Variants in CSPP1 observed in about 807,000 individuals in gnomAD.
CSPP1 encodes the protein centrosome and spindle pole associated protein 1.
Under a neutral mutation model 164.4 loss-of-function variants are expected in CSPP1, and 126 were observed. The observed-to-expected ratio is 0.77, with a 90% confidence interval of 0.66 to 0.89. The LOEUF is 0.89. Ranked by LOEUF, CSPP1 falls within the 40% of genes least tolerant of loss-of-function variation. The pLI is 0.00. For synonymous variants in CSPP1, 472 were observed against 476.7 expected (o/e 0.99, Z 0.13); for missense variants, 1,395 against 1,449.8 (o/e 0.96, Z 0.61).
At chr8:67,171,933 C>T (rs981544081) in intron 24 of CSPP1, among the ~76,000 whole-genome samples, 1 of 151,810 alleles carries the variant, frequency 6.6e-6, no homozygotes, top group African/African-American at 2.4e-5. Context: ...CTGCAACCTC[C>T]ACCTCTTGGG....
intron 17 of CSPP1, among the ~76,000 whole-genome samples, chr8:67,138,369 A>G (rs1822789384): frequency 6.6e-6 from 1 of 152,230 alleles, no homozygotes; most frequent in Non-Finnish European, 1.5e-5. Flanking sequence ...TACTTGTAAT[A>G]CCTAATACAG....
intron 3 of CSPP1, among the ~76,000 whole-genome samples, chr8:67,081,836 C>T (rs1171759639): frequency 6.6e-6 from 1 of 152,150 alleles, no homozygotes; most frequent in Non-Finnish European, 1.5e-5. Context: ...CTTAAAACTC[C>T]TGGGCTCTGG....
intron 14 of CSPP1, 53 bp from the exon 15 acceptor site, chr8:67,118,690 A>T (rs1818400894): frequency 2.5e-6 from 3 of 1,218,894 alleles, no homozygotes. Flanking sequence ...GTAAAATATT[A>T]TTAAATGATT....
At chr8:67,146,371 C>T (rs1824562073) in intron 17 of CSPP1, among the ~76,000 whole-genome samples, 1 of 152,060 alleles carries the variant, frequency 6.6e-6, no homozygotes, top group African/African-American at 2.4e-5. Context: ...GATCCTCCCA[C>T]CTCAGCCTCC....
At chr8:67,086,460 A>C (rs575058127) in intron 4 of CSPP1, among the ~76,000 whole-genome samples, 1 of 152,240 alleles carries the variant, frequency 6.6e-6, no homozygotes, top group South Asian at 2.1e-4. Flanking sequence ...CTATGTATTA[A>C]AATGACATAT....
Position 67,117,888 on chromosome 8 carries a change from TATTA to T in CSPP1, c.1497-355_1497-352del, listed in dbSNP as rs1344648326. 2.0e-5 allele frequency among the ~76,000 whole-genome samples: 3 copies of T among 152,212 alleles called. No individual in the cohort carries two copies. In the East Asian group the frequency reaches 5.8e-4, roughly 29 times the overall value. ...ATTTAGTTTAATTTGCTTGTACTAT[TATTA>T]ATTATTTAATTTGCTTGTACTTGAC... On this transcript the variant is annotated intron_variant, in intron 13 of 30. Transcript: ENST00000678616.
chr8:67,080,066 AC>A (rs1431570745), intron 3 of CSPP1, among the ~76,000 whole-genome samples: 2 of 152,134 alleles, frequency 1.3e-5, no homozygotes. Context: ...TTAGTTACTG[AC>A]CTCCTGCCTG....
chr8:67,125,654 G>A (rs1471856497), intron 15 of CSPP1, among the ~76,000 whole-genome samples: 1 of 151,836 alleles, frequency 6.6e-6, no homozygotes, highest in Non-Finnish European at 1.5e-5. Context: ...TTCTAGACTG[G>A]GTAATCTCAA....
intron 15 of CSPP1, among the ~76,000 whole-genome samples, chr8:67,126,933 G>A (rs1820195159): frequency 6.6e-6 from 1 of 151,972 alleles, no homozygotes; most frequent in South Asian, 2.1e-4. Context: ...TTTCCTGGGA[G>A]CTGCCAGACA....
chr8:67,110,190 G>A (rs73693114), intron 9 of CSPP1, among the ~76,000 whole-genome samples: 12,464 of 150,860 alleles, frequency 0.083, 1,044 homozygotes, highest in African/African-American at 0.22. Flanking sequence ...TCCCCAGGTT[G>A]TTTTATTTTT....
At chr8:67,175,755 A>T (rs1444734229) in intron 26 of CSPP1, among the ~76,000 whole-genome samples, 1 of 152,230 alleles carries the variant, frequency 6.6e-6, no homozygotes, top group Non-Finnish European at 1.5e-5. Context: ...AGGCAGACAT[A>T]TCAGTGCCCT....
chr8:67,183,968 T>TCAGTCTCC (rs1246313662), intron 28 of CSPP1, among the ~76,000 whole-genome samples: 2 of 149,294 alleles, frequency 1.3e-5, no homozygotes, highest in Non-Finnish European at 3.0e-5. Flanking sequence ...TTCTCCTGAC[T>TCAGTCTCC]CAGTCTCCCA....
Position 67,131,133 on chromosome 8 carries a change from G to A in CSPP1, c.1698-818G>A, listed in dbSNP as rs548023427. 4.6e-5 allele frequency among the ~76,000 whole-genome samples: 7 copies of A among 152,228 alleles called. No homozygotes were observed. The South Asian group carries it at 1.0e-3, about 23-fold the overall frequency. On this transcript the variant is annotated intron_variant, in intron 15 of 30. Transcript: ENST00000678616. ...ATGTTGGCTGGGTGCAGTGACTCAC[G>A]CCTGTAATCCCAGCACTTTGGGAGG...
chr8:67,130,795 C>G (rs772739546), intron 15 of CSPP1, among the ~76,000 whole-genome samples: 1 of 151,846 alleles, frequency 6.6e-6, no homozygotes, highest in Non-Finnish European at 1.5e-5. Flanking sequence ...AGAGACCAGC[C>G]TGGCCAACAT....
chr8:67,168,929 C>T (rs1384152382), intron 24 of CSPP1, among the ~76,000 whole-genome samples: 4 of 152,188 alleles, frequency 2.6e-5, no homozygotes, highest in Admixed American at 2.6e-4. Context: ...TATAGTAAAT[C>T]TCCATAGAGT....
In CSPP1 at chr8:67,149,961, T is replaced by C. The variant is rs1177127361; in HGVS notation, c.2128+26T>C. 14 of 1,523,700 alleles carry C rather than the reference T, an allele frequency of 9.2e-6. No homozygotes were observed. In the East Asian group the frequency reaches 3.0e-4, roughly 33 times the overall value. The allele number at this position is 1,523,700 out of a possible 1,614,324, so 94.4% of individuals were successfully genotyped here. On this transcript the variant is annotated intron_variant, in intron 18 of 30. Coordinates refer to ENST00000678616, the MANE Select transcript of CSPP1 (RefSeq NM_001382391.1). ...GTTTTTAATCACTTTTTTTTTTTTT[T>C]TTTTTTTTTTACATTTCTGAAATTG...
intron 3 of CSPP1, among the ~76,000 whole-genome samples, chr8:67,079,744 A>G (rs1175750873): frequency 6.6e-6 from 1 of 152,144 alleles, no homozygotes; most frequent in African/African-American, 2.4e-5. Flanking sequence ...ATGTGCTTCT[A>G]GAGGATTTGT....
At chr8:67,119,170 C>T (rs2129551548) in intron 15 of CSPP1, among the ~76,000 whole-genome samples, 1 of 152,194 alleles carries the variant, frequency 6.6e-6, no homozygotes, top group Admixed American at 6.5e-5. Context: ...GCATAATGTC[C>T]TCAAGGTTCA....
intron 14 of CSPP1, 28 bp from the exon 15 acceptor site, chr8:67,118,715 T>G: frequency 1.3e-6 from 2 of 1,485,316 alleles, no homozygotes; most frequent in South Asian, 1.2e-5. Flanking sequence ...TAAATAAACT[T>G]TTTTTGTTTT....
Sources: gnomAD v4.1 joint callset for allele counts (sites outside exome capture counted in the v4.1 genomes callset) on GRCh38, gnomAD v4.1.1 for gene constraint, MANE v1.5 for transcripts, NCBI Gene and HGNC (gene_info 2026-07-23, HGNC 2026-07-21) for gene names.